FBN2: variants seen among roughly 807,000 people sequenced by gnomAD.
The protein encoded by FBN2 is fibrillin 2.
In FBN2, 105 loss-of-function variants were observed where a neutral mutation model predicts 355.6. That is an observed-to-expected ratio of 0.30 (90% confidence interval 0.25 to 0.35). The LOEUF (loss-of-function observed/expected upper bound fraction) is 0.35, where lower values mean the gene tolerates loss of function less well. FBN2 is among the 10% of genes least tolerant of loss of function. The pLI, the probability that FBN2 is intolerant of heterozygous loss-of-function variation, is 1.00. For synonymous variants in FBN2, 1,350 were observed against 1,301.2 expected (o/e 1.04, Z -0.81); for missense variants, 3,280 against 3,758.7 (o/e 0.87, Z 3.33).
intron 5 of FBN2, among the ~76,000 whole-genome samples, chr5:128,476,429 C>T (rs11241960): frequency 0.024 from 3,623 of 151,534 alleles, 157 homozygotes; most frequent in African/African-American, 0.084. Flanking sequence ...ATAAACAGAA[C>T]GGCAAAGAAA....
intron 8 of FBN2, among the ~76,000 whole-genome samples, chr5:128,400,088 CA>C (rs1752758022): frequency 6.6e-6 from 1 of 151,188 alleles, no homozygotes; most frequent in Non-Finnish European, 1.5e-5. Context: ...GCATTTAAAA[CA>C]TAAGGAAGAG....
chr5:128,419,538 G>T (rs938578053), intron 7 of FBN2, among the ~76,000 whole-genome samples: 1 of 151,570 alleles, frequency 6.6e-6, no homozygotes, highest in Non-Finnish European at 1.5e-5. Context: ...AGAATACAAG[G>T]GTATTGGCTT....
chr5:128,280,787 G>A (rs1011659376), intron 55 of FBN2, among the ~76,000 whole-genome samples: 1 of 152,148 alleles, frequency 6.6e-6, no homozygotes, highest in Admixed American at 6.5e-5. Context: ...TAAAATCACA[G>A]GAACAACTAT....
chr5:128,338,124 T>C lies in FBN2; in HGVS notation c.3473-2A>G. The C allele has an allele frequency of 6.2e-7, 1 of 1,613,818 alleles. No individual in the cohort carries two copies. Among genetic ancestry groups the C allele is most frequent in the Non-Finnish European group, 8.5e-7 (1 of 1,179,788 alleles). On this transcript the variant is annotated splice_acceptor_variant, in intron 26 of 64. Coordinates refer to ENST00000262464, the MANE Select transcript of FBN2 (RefSeq NM_001999.4). LOFTEE classifies it high-confidence loss of function. ...GGTTACGTTCACATTCGTCAATGTCTGAAAGGTAAAAACGTGAGATCCATT... is the reference window on the plus strand; with the variant it reads ...GGTTACGTTCACATTCGTCAATGTCCGAAAGGTAAAAACGTGAGATCCATT...
chr5:128,263,350 C>A, intron 63 of FBN2, 75 bp downstream of exon 63: 1 of 1,120,478 alleles, frequency 8.9e-7, no homozygotes, highest in Admixed American at 1.7e-5. Context: ...GTACTCTTCC[C>A]TGCAGTGGGG....
Position 128,305,784 on chromosome 5 carries a change from A to G in FBN2, c.5548+39T>C, listed in dbSNP as rs190452627. On this transcript the variant is annotated intron_variant, in intron 43 of 64. Coordinates refer to ENST00000262464, the MANE Select transcript of FBN2 (RefSeq NM_001999.4). ...CATCTAAATGCTATATATGTATACC[A>G]AATTATACTGGATAAAGGACATACT... 212 of 1,612,128 alleles carry G rather than the reference A, an allele frequency of 1.3e-4. 3 individuals carry two copies. In the East Asian group the frequency reaches 3.7e-3, roughly 28 times the overall value.
intron 7 of FBN2, among the ~76,000 whole-genome samples, chr5:128,437,337 T>C (rs549006517): frequency 2.6e-5 from 4 of 152,312 alleles, no homozygotes; most frequent in Admixed American, 6.5e-5. Context: ...TGCAATTACA[T>C]AGATCAATCA....
intron 6 of FBN2, among the ~76,000 whole-genome samples, chr5:128,446,930 G>A (rs924156407): frequency 6.6e-6 from 1 of 152,150 alleles, no homozygotes; most frequent in Non-Finnish European, 1.5e-5. Context: ...AGATTTCATG[G>A]ACATTTATTA....
chr5:128,408,661 A>C lies in FBN2; in HGVS notation c.1078+13T>G. The C allele has an allele frequency of 6.2e-7, 1 of 1,613,914 alleles. No individual in the cohort carries two copies. ...AGACCCAGTGTATTGAGCCTTCAAA[A>C]TGCGAGGCTTACCGATGCATCGAGA... is the stretch of plus-strand genomic sequence containing the variant. On this transcript the variant is annotated intron_variant, in intron 8 of 64. Transcript: ENST00000262464.
At chr5:128,348,239 C>CT (rs1240744006) in intron 23 of FBN2, among the ~76,000 whole-genome samples, 1 of 151,876 alleles carries the variant, frequency 6.6e-6, no homozygotes, top group Admixed American at 6.6e-5. Flanking sequence ...TTGACATTTT[C>CT]TTTTTTTAAA....
chr5:128,388,644 A>T (rs1246141215), intron 11 of FBN2, among the ~76,000 whole-genome samples: 1 of 152,174 alleles, frequency 6.6e-6, no homozygotes, highest in Non-Finnish European at 1.5e-5. Flanking sequence ...CTTTTCTTTA[A>T]GAATGCTGAA....
chr5:128,262,994 G>C (rs1377362584), intron 63 of FBN2, among the ~76,000 whole-genome samples: 2 of 152,170 alleles, frequency 1.3e-5, no homozygotes, highest in Non-Finnish European at 2.9e-5. Flanking sequence ...CAAAGAAAGG[G>C]ACAAACTCCT....
chr5:128,463,588 T>C (rs975937341), intron 6 of FBN2, among the ~76,000 whole-genome samples: 1 of 152,222 alleles, frequency 6.6e-6, no homozygotes, highest in Non-Finnish European at 1.5e-5. Context: ...AACAAAAATC[T>C]GTGGATGCTG....
At position 128,267,612 on chromosome 5, in the gene FBN2, A is replaced by G. The variant is rs1195591271; in HGVS notation, c.7961-3956T>C. On this transcript the variant is annotated intron_variant, in intron 62 of 64. Coordinates refer to ENST00000262464, the MANE Select transcript of FBN2 (RefSeq NM_001999.4). ...TTTCATATGTTTGTTGGCCACATAA[A>G]TGTTTTTTTTTGAGAAGTGTCTGTT... Among the ~76,000 whole-genome samples the G allele has an allele frequency of 2.6e-5, 4 of 152,006 alleles. No homozygotes were observed. The East Asian group carries it at 5.8e-4, about 22-fold the overall frequency.
chr5:128,458,400 T>C (rs185372967), intron 6 of FBN2, among the ~76,000 whole-genome samples: 37 of 150,926 alleles, frequency 2.5e-4, no homozygotes, highest in African/African-American at 8.8e-4. Context: ...GACGGATAAA[T>C]GAGACAGGAA....
chr5:128,472,721 G>A (rs186745771), intron 5 of FBN2, among the ~76,000 whole-genome samples: 18 of 152,028 alleles, frequency 1.2e-4, no homozygotes, highest in African/African-American at 4.3e-4. Flanking sequence ...AACCCGGGAG[G>A]GGGAGGTTGC....
intron 53 of FBN2, among the ~76,000 whole-genome samples, chr5:128,287,934 A>G (rs943545857): frequency 1.3e-5 from 2 of 152,166 alleles, no homozygotes; most frequent in African/African-American, 4.8e-5. Flanking sequence ...TGTACTATGC[A>G]TGTGTGGGGC....
intron 5 of FBN2, among the ~76,000 whole-genome samples, chr5:128,506,513 A>C (rs1290465099): frequency 6.6e-6 from 1 of 152,136 alleles, no homozygotes; most frequent in African/African-American, 2.4e-5. Flanking sequence ...TGTATCCTGC[A>C]GCCTTGCTGA....
Position 128,369,345 on chromosome 5 carries a change from T to TA in FBN2, c.2096-12dup. The TA allele has an allele frequency of 6.2e-7, 1 of 1,613,912 alleles. No individual in the cohort carries two copies. Among genetic ancestry groups the TA allele is most frequent in the Non-Finnish European group, 8.5e-7 (1 of 1,179,922 alleles). On this transcript the variant is annotated splice_polypyrimidine_tract_variant and intron_variant, in intron 15 of 64. Transcript: ENST00000262464. ...TGCGCATGTGAGTATCTAAAGGAGA[T>TA]ACAAAAACAATGACTTGAGGCAGTG...
Sources: allele counts gnomAD v4.1 joint callset (sites outside exome capture counted in the v4.1 genomes callset), GRCh38; gene constraint gnomAD v4.1.1; transcripts MANE v1.5; gene names NCBI Gene and HGNC (gene_info 2026-07-23, HGNC 2026-07-21).